NT5DC1: variants seen among roughly 807,000 people sequenced by gnomAD.
NT5DC1 encodes 5'-nucleotidase domain containing 1.
Under a neutral mutation model 59.4 loss-of-function variants are expected in NT5DC1, and 42 were observed. That is an observed-to-expected ratio of 0.71 (90% CI 0.55 to 0.92). The LOEUF (loss-of-function observed/expected upper bound fraction) is 0.92. Among genes scored for constraint, NT5DC1 ranks in the 40% least tolerant of loss-of-function variants. The pLI, the probability that NT5DC1 is intolerant of heterozygous loss-of-function variation, is 0.00. For synonymous variants in NT5DC1, 172 were observed against 188.1 expected, an observed-to-expected ratio of 0.91 and a Z score of 0.70; for missense variants, 501 against 537.1, an observed-to-expected ratio of 0.93 and a Z score of 0.66.
intron 6 of NT5DC1, among the ~76,000 whole-genome samples, chr6:116,177,646 A>G (rs1780763199): frequency 6.6e-6 from 1 of 152,208 alleles, no homozygotes. Flanking sequence ...ACTTAAAGGA[A>G]TTTATCTAAA....
chr6:116,118,607 T>C (rs553147669), intron 6 of NT5DC1, among the ~76,000 whole-genome samples: 1 of 152,312 alleles, frequency 6.6e-6, no homozygotes, highest in South Asian at 2.1e-4. Context: ...CTTTTTAAAA[T>C]GTAATTCAAG....
intron 6 of NT5DC1, chr6:116,125,554 AT>A (rs1467144908): frequency 2.9e-5 from 45 of 1,551,634 alleles, no homozygotes; most frequent in East Asian, 6.8e-5. Flanking sequence ...TTATTAACCT[AT>A]TTTTTTATTC....
chr6:116,106,116 C>T (rs575610175), intron 1 of NT5DC1, 128 bp from the exon 2 acceptor site: 1 of 696,070 alleles, frequency 1.4e-6, no homozygotes. Context: ...TGCAGAACTT[C>T]ACAATTACAG....
intron 6 of NT5DC1, among the ~76,000 whole-genome samples, chr6:116,152,774 T>C (rs1159464412): frequency 6.6e-6 from 1 of 152,184 alleles, no homozygotes; most frequent in Non-Finnish European, 1.5e-5. Context: ...TCTAATATAG[T>C]TCTTGGCACC....
intron 4 of NT5DC1, among the ~76,000 whole-genome samples, chr6:116,114,584 CTTA>C (rs1171924807): frequency 6.7e-6 from 1 of 149,902 alleles, no homozygotes; most frequent in Non-Finnish European, 1.5e-5. Context: ...ATTCAAGCAC[CTTA>C]TTATTAATGT....
At chr6:116,182,725 A>T in intron 6 of NT5DC1, among the ~76,000 whole-genome samples, 1 of 151,048 alleles carries the variant, frequency 6.6e-6, no homozygotes, top group African/African-American at 2.4e-5. Flanking sequence ...CCACTTTTTG[A>T]TGTGATTGTT....
chr6:116,220,688 A>C (rs1444517608), intron 6 of NT5DC1, among the ~76,000 whole-genome samples: 1 of 152,216 alleles, frequency 6.6e-6, no homozygotes, highest in African/African-American at 2.4e-5. Flanking sequence ...GTATTCAGCA[A>C]ATATTCATTG....
rs149377702 is a variant in NT5DC1 at position 116,207,430 on chromosome 6, A to G, written c.530-13624A>G. Among the ~76,000 whole-genome samples, 410 of 152,070 alleles carry G rather than the reference A, an allele frequency of 2.7e-3. 2 individuals are homozygous for G. The highest frequency in any genetic ancestry group is 9.6e-3 in the African/African-American group (397 of 41,544). ...TGATAGATACATATGTCCATATTAT[A>G]TAGGTAAAGACTAAGTTTATAACCT... is the stretch of plus-strand genomic sequence containing the variant. On this transcript the variant is annotated intron_variant, in intron 6 of 11. Coordinates refer to ENST00000319550, the MANE Select transcript of NT5DC1 (RefSeq NM_152729.3).
intron 6 of NT5DC1, among the ~76,000 whole-genome samples, chr6:116,200,126 T>C (rs1052521513): frequency 6.6e-6 from 1 of 152,026 alleles, no homozygotes; most frequent in Non-Finnish European, 1.5e-5. Context: ...AGTGGCACTT[T>C]ATCTCCATGG....
chr6:116,124,433 G>A (rs1376053655), intron 6 of NT5DC1, among the ~76,000 whole-genome samples: 1 of 152,080 alleles, frequency 6.6e-6, no homozygotes. Context: ...GAACCTTAGT[G>A]CTTTACATAT....
intron 6 of NT5DC1, among the ~76,000 whole-genome samples, chr6:116,157,608 A>T (rs1343647795): frequency 6.6e-6 from 1 of 152,190 alleles, no homozygotes; most frequent in Non-Finnish European, 1.5e-5. Context: ...TTTCCAGTAG[A>T]CCATAACAAA....
rs35526860 is a variant in NT5DC1, at chr6:116,177,747, T to TG, written c.530-43307_530-43306insG. 8.6e-3 allele frequency among the ~76,000 whole-genome samples: 1,306 copies of TG among 152,272 alleles called. 60 individuals carry two copies. Among genetic ancestry groups the TG allele is most frequent in the Admixed American group, 0.079 (1,213 of 15,284 alleles). On this transcript the variant is annotated intron_variant, in intron 6 of 11. Coordinates refer to ENST00000319550, the MANE Select transcript of NT5DC1 (RefSeq NM_152729.3). ...AATCTAAGTAATTAAATAATAATAT[T>TG]CTAAAATGTTTTCTGACATTCTAAA...
At chr6:116,182,526 C>T (rs9488862) in intron 6 of NT5DC1, among the ~76,000 whole-genome samples, 35,672 of 152,004 alleles carry the variant, frequency 0.23, 4,465 homozygotes, top group Middle Eastern at 0.34. Flanking sequence ...GTTCCCTTTT[C>T]ACCACATCCA....
At chr6:116,178,657 G>T (rs1196129697) in intron 6 of NT5DC1, among the ~76,000 whole-genome samples, 1 of 152,188 alleles carries the variant, frequency 6.6e-6, no homozygotes, top group African/African-American at 2.4e-5. Flanking sequence ...TTTTGGTAAA[G>T]GCAATTTTAC....
At chr6:116,234,968 G>T (rs1362155399) in intron 8 of NT5DC1, among the ~76,000 whole-genome samples, 3 of 151,560 alleles carry the variant, frequency 2.0e-5, no homozygotes, top group Non-Finnish European at 4.4e-5. Context: ...CTCCAGTATA[G>T]GGGCTGGAAA....
chr6:116,153,570 A>G (rs1780106412), intron 6 of NT5DC1, among the ~76,000 whole-genome samples: 1 of 152,102 alleles, frequency 6.6e-6, no homozygotes, highest in Non-Finnish European at 1.5e-5. Flanking sequence ...TACCTCTGTT[A>G]GGTACTTAGT....
At chr6:116,185,273 T>C (rs890290882) in intron 6 of NT5DC1, among the ~76,000 whole-genome samples, 1 of 152,126 alleles carries the variant, frequency 6.6e-6, no homozygotes, top group Non-Finnish European at 1.5e-5. Flanking sequence ...ACTTGCTTTG[T>C]GGCCTATCAT....
At chr6:116,131,044 T>C (rs1484757352) in intron 6 of NT5DC1, among the ~76,000 whole-genome samples, 13 of 152,216 alleles carry the variant, frequency 8.5e-5, no homozygotes, top group African/African-American at 3.1e-4. Context: ...TTTTTATGAA[T>C]GCTCTTTTTA....
intron 6 of NT5DC1, among the ~76,000 whole-genome samples, chr6:116,184,713 T>C (rs1235881857): frequency 1.3e-5 from 2 of 152,110 alleles, no homozygotes; most frequent in Non-Finnish European, 2.9e-5. Context: ...TTCATATTTA[T>C]GTAGTATCAG....
Sources: gnomAD v4.1 joint callset for allele counts (sites outside exome capture counted in the v4.1 genomes callset) on GRCh38, gnomAD v4.1.1 for gene constraint, MANE v1.5 for transcripts, NCBI Gene and HGNC (gene_info 2026-07-23, HGNC 2026-07-21) for gene names.